Variants in ARHGAP19 observed in about 807,000 individuals in gnomAD.
ARHGAP19 encodes Rho GTPase activating protein 19.
In ARHGAP19, 48 loss-of-function variants were observed where a neutral mutation model predicts 60.9. The ratio of observed to expected loss-of-function variants is 0.79; its 90% CI spans 0.62 to 1.00. The LOEUF is 1.00. Ranked by LOEUF, ARHGAP19 falls within the 50% of genes least tolerant of loss-of-function variation. The pLI is 0.00. For synonymous variants in ARHGAP19, 209 were observed against 215.5 expected, an observed-to-expected ratio of 0.97 and a Z score of 0.27; for missense variants, 562 against 597.2, an observed-to-expected ratio of 0.94 and a Z score of 0.61.
chr10:97,236,287 T>C (rs1842377100), intron 8 of ARHGAP19, among the ~76,000 whole-genome samples: 2 of 152,128 alleles, frequency 1.3e-5, no homozygotes, highest in Admixed American at 1.3e-4. Flanking sequence ...TCTTCTGCCT[T>C]TTCTAACTAT....
intron 6 of ARHGAP19, among the ~76,000 whole-genome samples, chr10:97,252,377 T>C (rs12358267): frequency 0.044 from 6,532 of 148,196 alleles, 208 homozygotes; most frequent in Non-Finnish European, 0.061. Flanking sequence ...AATCCCAGCA[T>C]TTTGGGAGGC....
chr10:97,273,480 CTCTCT>C (rs1237994382), intron 1 of ARHGAP19, among the ~76,000 whole-genome samples: 30 of 114,050 alleles, frequency 2.6e-4, no homozygotes, highest in Non-Finnish European at 4.9e-4. Context: ...TTAATTTCTG[CTCTCT>C]TTTTTTTTTT....
At chr10:97,235,406 C>G in intron 8 of ARHGAP19, 91 bp from the exon 9 acceptor site, 4 of 1,167,840 alleles carry the variant, frequency 3.4e-6, no homozygotes, top group Non-Finnish European at 4.9e-6. Flanking sequence ...AAATAAAAGT[C>G]CAGGAAAAAC....
At chr10:97,234,334 C>T (rs1413659028) in intron 9 of ARHGAP19, among the ~76,000 whole-genome samples, 1 of 148,826 alleles carries the variant, frequency 6.7e-6, no homozygotes, top group East Asian at 2.0e-4. Context: ...GATGGGTTTA[C>T]AGGTGCAGCA....
At chr10:97,227,672 C>T (rs550315743) in intron 11 of ARHGAP19, among the ~76,000 whole-genome samples, 14 of 152,106 alleles carry the variant, frequency 9.2e-5, no homozygotes, top group Non-Finnish European at 1.9e-4. Flanking sequence ...TTCATTATCT[C>T]GACTTCTCTG....
chr10:97,285,506 CT>C (rs1554867841), intron 1 of ARHGAP19, among the ~76,000 whole-genome samples: 5 of 130,266 alleles, frequency 3.8e-5, no homozygotes, highest in South Asian at 2.4e-4. Flanking sequence ...ATAATTTTCT[CT>C]TTTTTTTTTT....
At position 97,247,539 on chromosome 10, in the gene ARHGAP19, A is replaced by G. The variant is rs547084793; in HGVS notation, c.928-1202T>C. Among the ~76,000 whole-genome samples, 18 of 152,298 alleles carry G rather than the reference A, an allele frequency of 1.2e-4. No individual in the cohort carries two copies. In the South Asian group the frequency reaches 1.9e-3, roughly 16 times the overall value. On this transcript the variant is annotated intron_variant, in intron 6 of 11. Transcript: ENST00000358531. ...TCAGAAATGCAAAACACACTCGTAT[A>G]AGATTAATCAAAAAATTGGATACAA...
rs191743002 is a variant in ARHGAP19, at chr10:97,289,900, G to T, written c.56+2672C>A. Among the ~76,000 whole-genome samples, 401 of 151,050 alleles carry T rather than the reference G, an allele frequency of 2.7e-3. 1 individual carries two copies. The highest frequency in any genetic ancestry group is 3.9e-3 in the African/African-American group (160 of 41,200). ...GAAAGAAAAGAAAAAGAAAAGAAAA[G>T]AAAATAAATTCAAACTACTCTTGCT... On this transcript the variant is annotated intron_variant, in intron 1 of 11. Coordinates refer to ENST00000358531, the MANE Select transcript of ARHGAP19 (RefSeq NM_032900.6).
chr10:97,273,925 C>T (rs1402167997), intron 1 of ARHGAP19, among the ~76,000 whole-genome samples: 2 of 151,618 alleles, frequency 1.3e-5, no homozygotes, highest in African/African-American at 4.8e-5. Context: ...ACAATCACAG[C>T]TAAATCTCAC....
intron 1 of ARHGAP19, among the ~76,000 whole-genome samples, chr10:97,269,158 T>G (rs148290952): frequency 5.3e-5 from 8 of 152,276 alleles, no homozygotes; most frequent in Admixed American, 3.3e-4. Context: ...TTCTAAATAT[T>G]AAATATAACT....
Position 97,246,294 on chromosome 10 carries a change from C to A in ARHGAP19, c.971G>T (p.Gly324Val). Residue 324 changes from glycine (G) to valine (V), a missense_variant, in exon 7 of 12, where the codon GGA becomes GTA. By Grantham distance (109) the Gly-to-Val change is moderately radical. Coordinates refer to ENST00000358531, the MANE Select transcript of ARHGAP19 (RefSeq NM_032900.6). ...TACCTTTGATGCCTGAGTTCTGGATCCCAAATAGTGCAATCTCGCACACTC... is the reference window on the plus strand; with the variant it reads ...TACCTTTGATGCCTGAGTTCTGGATACCAAATAGTGCAATCTCGCACACTC... ...IRECARLHYLGSRTQASKDDL... is the reference protein window; with the variant it reads ...IRECARLHYLVSRTQASKDDL... 1 of 1,613,874 alleles carries A rather than the reference C, an allele frequency of 6.2e-7. No homozygotes were observed. The highest frequency in any genetic ancestry group is 8.5e-7 in the Non-Finnish European group (1 of 1,179,920).
At chr10:97,255,360 A>C (rs1644854755) in intron 6 of ARHGAP19, among the ~76,000 whole-genome samples, 1 of 152,166 alleles carries the variant, frequency 6.6e-6, no homozygotes, top group African/African-American at 2.4e-5. Context: ...AGAAGGATTG[A>C]ACCCAGGAGT....
intron 1 of ARHGAP19, among the ~76,000 whole-genome samples, chr10:97,283,414 C>T (rs1280792382): frequency 6.6e-6 from 1 of 151,846 alleles, no homozygotes; most frequent in Non-Finnish European, 1.5e-5. Context: ...AATTAGCCAG[C>T]ATGGTGGCGC....
chr10:97,272,842 G>GTT (rs1273537428), intron 1 of ARHGAP19, among the ~76,000 whole-genome samples: 16 of 125,600 alleles, frequency 1.3e-4, no homozygotes, highest in African/African-American at 2.3e-4. Context: ...TATGTTTGTT[G>GTT]TTTTTTTTTT....
At chr10:97,229,487 G>C (rs1415092869) in intron 10 of ARHGAP19, among the ~76,000 whole-genome samples, 1 of 152,008 alleles carries the variant, frequency 6.6e-6, no homozygotes, top group East Asian at 1.9e-4. Flanking sequence ...CTTCCAGTAA[G>C]AACTAATTGC....
intron 1 of ARHGAP19, among the ~76,000 whole-genome samples, chr10:97,268,779 G>A (rs1842929059): frequency 6.6e-6 from 1 of 152,180 alleles, no homozygotes; most frequent in African/African-American, 2.4e-5. Flanking sequence ...GATTATGGGA[G>A]CTAGAATTCA....
chr10:97,249,464 T>G (rs1842610103), intron 6 of ARHGAP19, among the ~76,000 whole-genome samples: 1 of 152,240 alleles, frequency 6.6e-6, no homozygotes, highest in South Asian at 2.1e-4. Flanking sequence ...TGATTAAGAC[T>G]GTAGACCTGG....
chr10:97,241,193 C>T (rs1440764772), intron 8 of ARHGAP19, among the ~76,000 whole-genome samples: 1 of 151,826 alleles, frequency 6.6e-6, no homozygotes, highest in East Asian at 1.9e-4. Flanking sequence ...CATGGTGGCG[C>T]ATGCCTGTAA....
intron 6 of ARHGAP19, among the ~76,000 whole-genome samples, chr10:97,252,921 G>C (rs1040405123): frequency 6.6e-6 from 1 of 152,100 alleles, no homozygotes; most frequent in Non-Finnish European, 1.5e-5. Flanking sequence ...ATCAATGGAT[G>C]AATGATAAAG....
Sources: gnomAD v4.1 joint callset for allele counts (sites outside exome capture counted in the v4.1 genomes callset) on GRCh38, gnomAD v4.1.1 for gene constraint, MANE v1.5 for transcripts, NCBI Gene and HGNC (gene_info 2026-07-23, HGNC 2026-07-21) for gene names.